The following CDH9 variants were observed in gnomAD, a reference collection of about 807,000 sequenced individuals.
The protein encoded by CDH9 is cadherin-9.
Under a neutral mutation model 70.9 loss-of-function variants are expected in CDH9, and 28 were observed. The ratio of observed to expected loss-of-function variants is 0.40; its 90% CI spans 0.29 to 0.54. The LOEUF is 0.54. Among genes scored for constraint, CDH9 ranks in the 20% least tolerant of loss-of-function variants. The pLI is 0.59. For missense variants in CDH9, 874 were observed against 984.4 expected (o/e 0.89, Z 1.50); for synonymous variants, 409 against 343.1 (o/e 1.19, Z -2.12).
At chr5:27,013,442 T>C (rs947721530) in intron 1 of CDH9, among the ~76,000 whole-genome samples, 9 of 151,982 alleles carry the variant, frequency 5.9e-5, no homozygotes, top group African/African-American at 2.2e-4. Flanking sequence ...CAAACAACCC[T>C]AGGTCTCCCT....
At chr5:26,906,236 T>G in intron 4 of CDH9, 110 bp from the exon 5 acceptor site, 1 of 827,664 alleles carries the variant, frequency 1.2e-6, no homozygotes. Flanking sequence ...AAAATGTCAG[T>G]GTATTTAAAT....
chr5:26,902,684 C>A lies in CDH9; in HGVS notation c.1045G>T (p.Ala349Ser). Residue 349 changes from alanine to serine, a missense_variant, in exon 7 of 12, where the codon GCA becomes TCA. Ala to Ser is a moderately conservative substitution (Grantham distance 99). Transcript: ENST00000231021. ...CGTGGATCAGGGTGAGTGTTACTTG[C>A]ATCCACTCTTAAAGTATAGAGCATT... is the stretch of plus-strand genomic sequence containing the variant. Reference protein sequence around the residue: ...NQMLYTLRVDASNTHPDPRFL... With the variant: ...NQMLYTLRVDSSNTHPDPRFL... The A allele has an allele frequency of 1.3e-6, 2 of 1,573,202 alleles. No individual in the cohort carries two copies. The highest frequency in any genetic ancestry group is 1.7e-6 in the Non-Finnish European group (2 of 1,143,340).
At chr5:26,897,179 A>C (rs1042751759) in intron 7 of CDH9, among the ~76,000 whole-genome samples, 6 of 152,058 alleles carry the variant, frequency 3.9e-5, no homozygotes, top group Non-Finnish European at 8.8e-5. Context: ...AGTAATTAAT[A>C]ACCTACCAAC....
chr5:26,971,361 G>A (rs1259746572), intron 2 of CDH9, among the ~76,000 whole-genome samples: 2 of 152,104 alleles, frequency 1.3e-5, no homozygotes, highest in Non-Finnish European at 2.9e-5. Flanking sequence ...ACACTCTGGG[G>A]AGTGCTAACT....
At chr5:26,985,792 A>T (rs1426282545) in intron 2 of CDH9, among the ~76,000 whole-genome samples, 5 of 152,208 alleles carry the variant, frequency 3.3e-5, no homozygotes, top group Middle Eastern at 6.8e-3. Flanking sequence ...ACCCAGGGAG[A>T]CCAGAAACAC....
At chr5:26,949,750 C>T (rs937762692) in intron 2 of CDH9, among the ~76,000 whole-genome samples, 15 of 152,274 alleles carry the variant, frequency 9.9e-5, no homozygotes, top group African/African-American at 3.6e-4. Context: ...AAAAGTCTTG[C>T]TTGTTAACAC....
At chr5:26,939,852 T>C (rs1020333661) in intron 2 of CDH9, among the ~76,000 whole-genome samples, 1 of 152,100 alleles carries the variant, frequency 6.6e-6, no homozygotes, top group Non-Finnish European at 1.5e-5. Flanking sequence ...TAAAACTAAT[T>C]TGTAAAAAAC....
At chr5:26,910,514 T>C (rs1741033516) in intron 3 of CDH9, among the ~76,000 whole-genome samples, 2 of 152,174 alleles carry the variant, frequency 1.3e-5, no homozygotes, top group Admixed American at 1.3e-4. Flanking sequence ...ATTCTCTTTA[T>C]CTGTATCTAT....
chr5:26,973,606 C>T (rs1027398703), intron 2 of CDH9, among the ~76,000 whole-genome samples: 1 of 152,086 alleles, frequency 6.6e-6, no homozygotes, highest in Non-Finnish European at 1.5e-5. Flanking sequence ...CAAAGCTTTT[C>T]GAGTAATTCC....
intron 3 of CDH9, among the ~76,000 whole-genome samples, chr5:26,910,252 T>TATCTATC (rs1359506596): frequency 6.8e-6 from 1 of 147,494 alleles, no homozygotes; most frequent in Admixed American, 6.7e-5. Flanking sequence ...TCTATCTATC[T>TATCTATC]ATCTATCTAT....
chr5:26,996,032 T>C (rs75140840), intron 1 of CDH9, among the ~76,000 whole-genome samples: 1,964 of 152,106 alleles, frequency 0.013, 37 homozygotes, highest in African/African-American at 0.045. Flanking sequence ...TGTAATTAAA[T>C]AGGATTTTCA....
chr5:26,906,664 T>C, intron 4 of CDH9, 55 bp downstream of exon 4: 1 of 1,560,516 alleles, frequency 6.4e-7, no homozygotes, highest in Admixed American at 1.8e-5. Context: ...TCTAAATTAA[T>C]TATGCATCTT....
At position 26,984,941 on chromosome 5, in the gene CDH9, TA is replaced by T. The variant is rs915530365; in HGVS notation, c.228+3164del. On this transcript the variant is annotated intron_variant, in intron 2 of 11. Transcript: ENST00000231021. ...TATATTGCAAATGTCTGAAATGCCATAAAAAATTCTGCAGTATTGCCTTATT... is the reference window on the plus strand; with the variant it reads ...TATATTGCAAATGTCTGAAATGCCATAAAAATTCTGCAGTATTGCCTTATT... Among the ~76,000 whole-genome samples the T allele has an allele frequency of 3.9e-5, 6 of 152,260 alleles. No individual in the cohort carries two copies. The South Asian group carries it at 6.2e-4, about 16-fold the overall frequency.
At chr5:26,979,453 T>A (rs201096707) in intron 2 of CDH9, among the ~76,000 whole-genome samples, 1 of 43,076 alleles carries the variant, frequency 2.3e-5, no homozygotes, top group Non-Finnish European at 6.0e-5. Flanking sequence ...TAGAAAAAAA[T>A]TAAAAAAACA....
In CDH9 at chr5:26,906,022, C is replaced by T; in HGVS notation, c.748G>A (p.Gly250Arg). The T allele has an allele frequency of 6.2e-6, 10 of 1,613,632 alleles. No individual in the cohort carries two copies. The highest frequency in any genetic ancestry group is 1.6e-4 in the Middle Eastern group (1 of 6,062). ...AGCGTGATGTTCACTGTGGTGGTTC[C>T]AGAAAGGCCTCCCATCTGGCCACCC... Reference protein sequence around the residue: ...DMGGQMGGLSGTTTVNITLTD... With the variant: ...DMGGQMGGLSRTTTVNITLTD... Residue 250 changes from glycine to arginine, a missense_variant, in exon 5 of 12, where the codon GGA becomes AGA. Gly to Arg is a moderately radical substitution (Grantham distance 125). Coordinates refer to ENST00000231021, the MANE Select transcript of CDH9 (RefSeq NM_016279.4).
chr5:26,943,416 G>A (rs1741695912), intron 2 of CDH9, among the ~76,000 whole-genome samples: 1 of 151,812 alleles, frequency 6.6e-6, no homozygotes, highest in Admixed American at 6.6e-5. Context: ...ATGAGGCTGA[G>A]GCAGGAGAAT....
Position 26,881,147 on chromosome 5 carries a change from C to T in CDH9, c.2359G>A (p.Asp787Asn). The T allele has an allele frequency of 6.2e-7, 1 of 1,605,090 alleles. No individual in the cohort carries two copies. The highest frequency in any genetic ancestry group is 1.7e-5 in the Admixed American group (1 of 58,750). The change falls in exon 12 of 12, where the codon GAC (aspartate) becomes AAC (asparagine). Residue 787 changes from aspartate (D) to asparagine (N), a missense_variant. Coordinates refer to ENST00000231021, the MANE Select transcript of CDH9 (RefSeq NM_016279.4). Reference sequence around the variant, plus strand: ...GTCAAACAATCCTCTTAGTCTCGGTCACTATCATCACCCCCATACATATCG... The same window carrying T: ...GTCAAACAATCCTCTTAGTCTCGGTTACTATCATCACCCCCATACATATCG... ...LADMYGGDDS[D>N]RD
intron 2 of CDH9, among the ~76,000 whole-genome samples, chr5:26,932,409 G>GA (rs556156353): frequency 1.6e-4 from 23 of 146,174 alleles, no homozygotes; most frequent in East Asian, 1.0e-3. Flanking sequence ...AACAATAAAA[G>GA]AAAAAAAAAC....
intron 2 of CDH9, among the ~76,000 whole-genome samples, chr5:26,976,513 C>T (rs563087742): frequency 3.3e-5 from 5 of 152,082 alleles, no homozygotes; most frequent in South Asian, 2.1e-4. Flanking sequence ...TCTTGGCTGA[C>T]GGCAACTTCT....
Sources: gnomAD v4.1 joint callset for allele counts (sites outside exome capture counted in the v4.1 genomes callset) on GRCh38, gnomAD v4.1.1 for gene constraint, MANE v1.5 for transcripts, NCBI Gene and HGNC (gene_info 2026-07-23, HGNC 2026-07-21) for gene names.